RGL3: variants seen among roughly 807,000 people sequenced by gnomAD.
The protein encoded by RGL3 is ral guanine nucleotide dissociation stimulator like 3.
Under a neutral mutation model 90.6 loss-of-function variants are expected in RGL3, and 85 were observed. That is an observed-to-expected ratio of 0.94 (90% CI 0.79 to 1.12). RGL3 has a LOEUF of 1.12. Among genes scored for constraint, RGL3 ranks in the 50% most tolerant of loss-of-function variants. The probability of loss-of-function intolerance (pLI) is 0.00; values close to 1 mark genes in which losing one functional copy is unlikely to be tolerated. For synonymous variants in RGL3, 408 were observed against 385.5 expected (o/e 1.06, Z -0.68); for missense variants, 1,034 against 939.2 (o/e 1.10, Z -1.32).
intron 5 of RGL3, among the ~76,000 whole-genome samples, chr19:11,412,920 C>T (rs918136121): frequency 2.6e-4 from 39 of 151,888 alleles, no homozygotes; most frequent in African/African-American, 9.0e-4. Flanking sequence ...AAGCCAAGAT[C>T]GCGCCATTGC....
At chr19:11,415,856 A>G (rs941279612) in intron 5 of RGL3, 81 bp downstream of exon 5, 3 of 1,235,756 alleles carry the variant, frequency 2.4e-6, no homozygotes, top group Non-Finnish European at 2.3e-6. Context: ...TGTAGCTCTG[A>G]GAGGGGAGAG....
At chr19:11,402,919 C>A (rs1341463944) in intron 9 of RGL3, among the ~76,000 whole-genome samples, 1 of 151,986 alleles carries the variant, frequency 6.6e-6, no homozygotes, top group Non-Finnish European at 1.5e-5. Context: ...ACCACCCTGG[C>A]CAATATGGTG....
Position 11,406,019 on chromosome 19 carries a change from C to T in RGL3, c.996+400G>A, listed in dbSNP as rs555912840. Among the ~76,000 whole-genome samples the T allele has an allele frequency of 2.6e-5, 4 of 151,982 alleles. No homozygotes were observed. The East Asian group carries it at 7.8e-4, about 29-fold the overall frequency. On this transcript the variant is annotated intron_variant, in intron 7 of 18. Coordinates refer to ENST00000380456, the MANE Select transcript of RGL3 (RefSeq NM_001035223.4). ...GATTACAGGCGTGAGTCACTGCGCC[C>T]AGCCTGATCCCGTGACTTGTGACGC...
At chr19:11,402,300 C>T in intron 11 of RGL3, 53 bp from the exon 12 acceptor site, 1 of 1,612,086 alleles carries the variant, frequency 6.2e-7, no homozygotes, top group Non-Finnish European at 8.5e-7. Flanking sequence ...GGTCAAGGGT[C>T]AAGGTCAGGG....
At chr19:11,410,450 G>C (rs759628667) in intron 5 of RGL3, among the ~76,000 whole-genome samples, 12 of 152,088 alleles carry the variant, frequency 7.9e-5, no homozygotes, top group Non-Finnish European at 1.6e-4. Flanking sequence ...TGGAGGTTGA[G>C]GTAGGAGGAT....
chr19:11,397,272 C>T lies in RGL3; in HGVS notation c.1986G>A (p.Gln662=), dbSNP rs760926701. The change falls in exon 18 of 19, where the codon CAG becomes CAA. Residue 662 remains glutamine, a synonymous_variant. Coordinates refer to ENST00000380456, the MANE Select transcript of RGL3 (RefSeq NM_001035223.4). ...NVPQPWACDY[Q]LFQVLPGDRV... is the part of the protein sequence containing the mutation. The stretch of plus-strand genomic sequence containing the variant: ...GGTCCCCAGGAAGGACTTGAAAGAG[C>T]TGATAGTCACAGGCCCAGGGCTGGG... The T allele has an allele frequency of 6.2e-7, 1 of 1,613,978 alleles. No individual in the cohort carries two copies. The highest frequency in any genetic ancestry group is 1.1e-5 in the South Asian group (1 of 91,068).
At position 11,405,308 on chromosome 19, in the gene RGL3, C is replaced by T; in HGVS notation, c.1100+15G>A. The T allele has an allele frequency of 6.2e-7, 1 of 1,612,604 alleles. No individual in the cohort carries two copies. Among genetic ancestry groups the T allele is most frequent in the African/African-American group, 1.3e-5 (1 of 74,970 alleles). Reference sequence around the variant, plus strand: ...ACCTGGGATGGGCTGGGGAACAGGTCCCGCCCCAGCTCACCGGCTCACTGC... The same window carrying T: ...ACCTGGGATGGGCTGGGGAACAGGTTCCGCCCCAGCTCACCGGCTCACTGC... On this transcript the variant is annotated intron_variant, in intron 8 of 18. Coordinates refer to ENST00000380456, the MANE Select transcript of RGL3 (RefSeq NM_001035223.4).
rs1305882151 is a variant in RGL3 at position 11,413,556 on chromosome 19, AG to A, written c.637+2380del. Among the ~76,000 whole-genome samples the A allele has an allele frequency of 2.0e-3, 291 of 143,368 alleles. 48 individuals carry two copies. The highest frequency in any genetic ancestry group is 2.3e-3 in the South Asian group (10 of 4,404). The allele number at this position is 143,368 out of a possible 152,430, so 94.1% of individuals were successfully genotyped here. A position where few individuals can be genotyped will look rare whatever the true frequency, so the allele number is the denominator to read the frequency against. On this transcript the variant is annotated intron_variant, in intron 5 of 18. Coordinates refer to ENST00000380456, the MANE Select transcript of RGL3 (RefSeq NM_001035223.4). ...TCTCAAAAAAAAAAAAAAAAAAAAAAGGGCAGGGTCAGGCACAGTAGCTCAC... is the reference window on the plus strand; with the variant it reads ...TCTCAAAAAAAAAAAAAAAAAAAAAAGGCAGGGTCAGGCACAGTAGCTCAC...
rs774663120 is a variant in RGL3 at position 11,402,022 on chromosome 19, G to T, written c.1473C>A (p.Thr491=). Residue 491 remains threonine (T), a synonymous_variant, in exon 13 of 19, where the codon ACC becomes ACA. Transcript: ENST00000380456. ...TACAGGGTGGTCACCTCTGCTCCTC[G>T]GTGAGCTGGTTCTGGGCATGCAGGG... The part of the protein sequence containing the change: ...LAALHAQNQL[T]EEQSYRLSRV... 66 of 1,549,428 alleles carry T rather than the reference G, an allele frequency of 4.3e-5. No homozygotes were observed. The highest frequency in any genetic ancestry group is 7.7e-5 in the Admixed American group (4 of 52,004).
At chr19:11,396,299 C>G (rs1968571919) in intron 18 of RGL3, among the ~76,000 whole-genome samples, 2 of 147,610 alleles carry the variant, frequency 1.4e-5, no homozygotes, top group Non-Finnish European at 3.0e-5. Flanking sequence ...TCCCGAGTAG[C>G]TGAGACTACA....
chr19:11,402,072 T>C lies in RGL3; in HGVS notation c.1423A>G (p.Ser475Gly). 1 of 1,583,274 alleles carries C rather than the reference T, an allele frequency of 6.3e-7. No homozygotes were observed. The highest frequency in any genetic ancestry group is 8.6e-7 in the Non-Finnish European group (1 of 1,164,616). The stretch of plus-strand genomic sequence containing the variant: ...GCAGCCAGGATGGGCGGGTGGGGGC[T>C]CAGGGTGTAGCTCTGACAGCGCCTC... ...LQRRCQSYTLSPHPPILAALH... is the reference protein window; with the variant it reads ...LQRRCQSYTLGPHPPILAALH... Residue 475 changes from serine (S) to glycine (G), a missense_variant, in exon 13 of 19, where the codon AGC (serine) becomes GGC (glycine). Coordinates refer to ENST00000380456, the MANE Select transcript of RGL3 (RefSeq NM_001035223.4).
intron 9 of RGL3, 22 bp from the exon 10 acceptor site, chr19:11,402,728 G>T (rs769278363): frequency 6.2e-7 from 1 of 1,610,000 alleles, no homozygotes; most frequent in South Asian, 1.1e-5. Context: ...GAAAAACTGA[G>T]CCAGGTCTGG....
chr19:11,397,564 G>A lies in RGL3; in HGVS notation c.1780C>T (p.Pro594Ser), dbSNP rs759428729. 1 of 1,590,948 alleles carries A rather than the reference G, an allele frequency of 6.3e-7. No individual in the cohort carries two copies. Reference sequence around the variant, plus strand: ...GGGCTGCCCAGAGGCAAAGCGAAGGGCCGGGGGCTGGGCAGGTCCAGGCTC... The same window carrying A: ...GGGCTGCCCAGAGGCAAAGCGAAGGACCGGGGGCTGGGCAGGTCCAGGCTC... ...PLSLDLPSPR[P>S]FALPLGSPRI... is the part of the protein sequence containing the mutation. Residue 594 changes from proline (P) to serine (S), a missense_variant, in exon 17 of 19, where the codon CCC becomes TCC. Pro to Ser is a moderately conservative substitution (Grantham distance 74). Transcript: ENST00000380456.
chr19:11,414,158 TATATATATATATATATATAC>T (rs1302940183), intron 5 of RGL3, among the ~76,000 whole-genome samples: 2 of 93,360 alleles, frequency 2.1e-5, no homozygotes, highest in African/African-American at 8.2e-5. Flanking sequence ...TATATATATA[TATATATATATATATATATAC>T]ACCTATATAT....
Position 11,406,973 on chromosome 19 carries a change from A to G in RGL3, c.638-109T>C. ...GAGGCTCACTTTCCTCATTTGTAAA[A>G]CGGAGAGCTCTCTTAAATTTTTTTT... On this transcript the variant is annotated intron_variant, in intron 5 of 18. Transcript: ENST00000380456. The G allele has an allele frequency of 7.7e-6, 9 of 1,168,762 alleles. No individual in the cohort carries two copies. The Middle Eastern group carries it at 1.7e-3, about 215-fold the overall frequency. The allele number at this position is 1,168,762 out of a possible 1,614,324, so 72.4% of individuals were successfully genotyped here.
intron 5 of RGL3, among the ~76,000 whole-genome samples, chr19:11,412,793 C>T (rs1442664812): frequency 1.3e-5 from 2 of 151,598 alleles, no homozygotes; most frequent in Non-Finnish European, 2.9e-5. Flanking sequence ...GGTGAAACCC[C>T]GTCTCTACTA....
Position 11,399,848 on chromosome 19 carries a change from T to C in RGL3, c.1746+7A>G. On this transcript the variant is annotated splice_region_variant and intron_variant, in intron 16 of 18. Transcript: ENST00000380456. The stretch of plus-strand genomic sequence containing the variant: ...GGCCCGCATGCACACACAAGCCGTC[T>C]TGGTACCTTGGTGCTGGGGCCCTGG... 5 of 1,472,846 alleles carry C rather than the reference T, an allele frequency of 3.4e-6. No homozygotes were observed. In the South Asian group the frequency reaches 7.1e-5, roughly 21 times the overall value. 91.2% of individuals were successfully genotyped at this position (1,472,846 alleles called of 1,614,324 possible).
Position 11,416,837 on chromosome 19 carries a change from CG to C in RGL3, c.369del (p.Val125Ter). 1 of 1,613,162 alleles carries C rather than the reference CG, an allele frequency of 6.2e-7. No homozygotes were observed. The highest frequency in any genetic ancestry group is 8.5e-7 in the Non-Finnish European group (1 of 1,179,564). ...LLPPMPPPPPPGVEIKKTAVQ... is the reference protein window; with the variant it reads ...LLPPMPPPPPXGVEIKKTAVQ... ...CGGAGGTTATGGTTCGCTACTGACC[CG>C]GGAGGTGGGGGCGGTGGCATTGGTG... On this transcript the variant is annotated frameshift_variant and splice_region_variant, in exon 3 of 19. Coordinates refer to ENST00000380456, the MANE Select transcript of RGL3 (RefSeq NM_001035223.4). LOFTEE classifies it high-confidence loss of function.
At position 11,397,426 on chromosome 19, in the gene RGL3, C is replaced by G. The variant is rs1380774067; in HGVS notation, c.1899+19G>C. ...AAGGGCAGGGCAGCCTCCAGCAGAC[C>G]CCCAGCCCAGCCCCTCACCAAGATG... On this transcript the variant is annotated intron_variant, in intron 17 of 18. Transcript: ENST00000380456. 2 of 1,595,326 alleles carry G rather than the reference C, an allele frequency of 1.3e-6. No individual in the cohort carries two copies. The highest frequency in any genetic ancestry group is 1.7e-5 in the Admixed American group (1 of 58,732).
Sources: gnomAD v4.1 joint callset for allele counts (sites outside exome capture counted in the v4.1 genomes callset) on GRCh38, gnomAD v4.1.1 for gene constraint, MANE v1.5 for transcripts, NCBI Gene and HGNC (gene_info 2026-07-23, HGNC 2026-07-21) for gene names.